The following METAP1 variants were observed in gnomAD, a reference collection of about 807,000 sequenced individuals.
METAP1 encodes methionine aminopeptidase 1.
In METAP1, 28 loss-of-function variants were observed where a neutral mutation model predicts 53.8. The observed-to-expected ratio is 0.52, with a 90% CI of 0.39 to 0.71. The LOEUF is 0.71. Among genes scored for constraint, METAP1 ranks in the 30% least tolerant of loss-of-function variants. The probability of loss-of-function intolerance (pLI) is 0.00; values close to 1 mark genes in which losing one functional copy is unlikely to be tolerated. For missense variants in METAP1, 389 were observed against 479.8 expected (o/e 0.81, Z 1.77); for synonymous variants, 181 against 165.7 (o/e 1.09, Z -0.71).
chr4:99,043,727 T>G (rs1324877892), intron 7 of METAP1, among the ~76,000 whole-genome samples: 1 of 152,132 alleles, frequency 6.6e-6, no homozygotes, highest in African/African-American at 2.4e-5. Context: ...CAGGGCAGGC[T>G]TTGTTATAGA....
chr4:99,001,588 A>G (rs978513852), intron 1 of METAP1, among the ~76,000 whole-genome samples: 1 of 152,210 alleles, frequency 6.6e-6, no homozygotes, highest in African/African-American at 2.4e-5. Flanking sequence ...GTGTCATGTC[A>G]TGGCTACATT....
At chr4:99,046,936 C>CAAAAAAAAAAAAAAAAAAA (rs56702946) in intron 8 of METAP1, among the ~76,000 whole-genome samples, 4 of 82,210 alleles carry the variant, frequency 4.9e-5, no homozygotes, top group East Asian at 3.6e-4. Flanking sequence ...ACTGAAGAAA[C>CAAAAAAAAAAAAAAAAAAA]AAAAAAAAAA....
intron 4 of METAP1, 159 bp from the exon 5 acceptor site, chr4:99,039,214 TG>T (rs1248738840): frequency 1.5e-5 from 7 of 456,838 alleles, no homozygotes; most frequent in South Asian, 1.4e-4. Flanking sequence ...ATGTTGAAAA[TG>T]TTTTTTTTTA....
At chr4:99,025,116 TC>T (rs947935496) in intron 1 of METAP1, among the ~76,000 whole-genome samples, 1 of 152,224 alleles carries the variant, frequency 6.6e-6, no homozygotes, top group Non-Finnish European at 1.5e-5. Context: ...GCTGCTCACC[TC>T]CTGCTGTGTG....
At chr4:99,043,435 AG>A (rs759125504) in intron 7 of METAP1, 48 bp downstream of exon 7, 7 of 1,534,686 alleles carry the variant, frequency 4.6e-6, no homozygotes, top group Non-Finnish European at 6.1e-6. Context: ...GAAACAACAA[AG>A]CTTGGGGAAT....
At chr4:99,040,092 C>G (rs902370674) in intron 5 of METAP1, among the ~76,000 whole-genome samples, 5 of 152,162 alleles carry the variant, frequency 3.3e-5, no homozygotes, top group Non-Finnish European at 7.3e-5. Flanking sequence ...TTCTTAAAAG[C>G]CTATTTCAGA....
At position 98,995,848 on chromosome 4, in the gene METAP1, G is replaced by T; in HGVS notation, c.95G>T (p.Gly32Val). The T allele has an allele frequency of 6.5e-7, 1 of 1,541,900 alleles. No homozygotes were observed. Among genetic ancestry groups the T allele is most frequent in the South Asian group, 1.2e-5 (1 of 83,536 alleles). The change falls in exon 1 of 11, where the codon GGC becomes GTC. Residue 32 changes from glycine (G) to valine (V), a missense_variant. Transcript: ENST00000296411. ...CPTCIKLGIQ[G>V]SYFCSQECFK... ...ACTTGCATCAAGCTGGGCATCCAGG[G>T]CTCGTACTTCTGCTCGCAGGTAGGC...
At position 99,031,486 on chromosome 4, in the gene METAP1, G is replaced by A. The variant is rs916126052; in HGVS notation, c.166+2568G>A. ...CACTCCCCTACCCATTCACACTAGT[G>A]TGCCTGATTTTTGGATTACAGAGAG... On this transcript the variant is annotated intron_variant, in intron 2 of 10. Transcript: ENST00000296411. 1.3e-5 allele frequency: 17 copies of A among 1,286,044 alleles called. No homozygotes were observed. The Admixed American group carries it at 3.9e-4, about 30-fold the overall frequency. 79.7% of individuals were successfully genotyped at this position (1,286,044 alleles called of 1,614,324 possible).
intron 2 of METAP1, among the ~76,000 whole-genome samples, chr4:99,032,405 G>A (rs1180976623): frequency 6.6e-6 from 1 of 151,812 alleles, no homozygotes. Context: ...GCTAAGTTTC[G>A]TATTTTTTGT....
intron 1 of METAP1, among the ~76,000 whole-genome samples, chr4:99,015,959 C>T (rs78734214): frequency 3.9e-5 from 6 of 152,138 alleles, no homozygotes; most frequent in Non-Finnish European, 5.9e-5. Flanking sequence ...TTTCTTGACT[C>T]GAGTGTGATG....
intron 1 of METAP1, chr4:99,026,229 G>A (rs1418464839): frequency 1.6e-5 from 16 of 984,778 alleles, no homozygotes; most frequent in Non-Finnish European, 1.8e-5. Flanking sequence ...AATTCCTGTT[G>A]GTGCTAAAGA....
intron 4 of METAP1, among the ~76,000 whole-genome samples, chr4:99,038,985 T>C (rs948892874): frequency 6.6e-6 from 1 of 152,212 alleles, no homozygotes; most frequent in African/African-American, 2.4e-5. Context: ...ATAGTGTAAT[T>C]AATTCATCAG....
intron 1 of METAP1, among the ~76,000 whole-genome samples, chr4:98,997,839 CTT>C (rs1177219420): frequency 6.6e-6 from 1 of 152,186 alleles, no homozygotes; most frequent in Non-Finnish European, 1.5e-5. Flanking sequence ...CCAACTGTCT[CTT>C]TTTCTTCATT....
In METAP1 at chr4:99,034,330, A is replaced by T. The variant is rs1725275458; in HGVS notation, c.267A>T (p.Pro89=). The part of the protein sequence containing the change: ...AGYRYTGKLR[P]HYPLMPTRPV... ...ATCGATATACTGGTAAACTCAGACC[A>T]CATTATCCACTGGTGAGTAAATAAG... is the stretch of plus-strand genomic sequence containing the variant. Residue 89 remains proline, a synonymous_variant, in exon 3 of 11, where the codon CCA becomes CCT. Transcript: ENST00000296411. The T allele has an allele frequency of 7.9e-6, 12 of 1,513,258 alleles. No homozygotes were observed. The highest frequency in any genetic ancestry group is 9.9e-6 in the Non-Finnish European group (11 of 1,112,320). The allele number at this position is 1,513,258 out of a possible 1,614,324, so 93.7% of individuals were successfully genotyped here. A position where few individuals can be genotyped will look rare whatever the true frequency, so the allele number is the denominator to read the frequency against.
At chr4:99,036,941 A>G (rs1191425665) in intron 4 of METAP1, among the ~76,000 whole-genome samples, 1 of 152,064 alleles carries the variant, frequency 6.6e-6, no homozygotes. Flanking sequence ...CATTAAAAAT[A>G]CATGGATGTC....
chr4:99,027,756 G>C (rs764494246), intron 1 of METAP1, among the ~76,000 whole-genome samples: 4 of 152,136 alleles, frequency 2.6e-5, no homozygotes, highest in Middle Eastern at 3.2e-3. Flanking sequence ...ATTTGTTTAG[G>C]TTGTAGGTTG....
intron 1 of METAP1, among the ~76,000 whole-genome samples, chr4:99,025,907 G>C (rs868487887): frequency 1.3e-5 from 2 of 152,170 alleles, no homozygotes; most frequent in Non-Finnish European, 2.9e-5. Context: ...CCTTTCTACA[G>C]ATAATAACAC....
intron 9 of METAP1, among the ~76,000 whole-genome samples, chr4:99,055,404 A>G (rs936290610): frequency 6.6e-6 from 1 of 152,064 alleles, no homozygotes; most frequent in Non-Finnish European, 1.5e-5. Context: ...AAAAAAAAAA[A>G]AAGAGAAAAG....
intron 1 of METAP1, among the ~76,000 whole-genome samples, chr4:98,996,486 G>A (rs981581635): frequency 2.0e-5 from 3 of 152,266 alleles, no homozygotes; most frequent in East Asian, 1.9e-4. Context: ...AACTTTGGGG[G>A]TGGGGAAGGG....
Sources: gnomAD v4.1 joint callset for allele counts (sites outside exome capture counted in the v4.1 genomes callset) on GRCh38, gnomAD v4.1.1 for gene constraint, MANE v1.5 for transcripts, NCBI Gene and HGNC (gene_info 2026-07-23, HGNC 2026-07-21) for gene names.